Variants in EEF1E1 observed in about 807,000 individuals in gnomAD.
EEF1E1 encodes eukaryotic translation elongation factor 1 epsilon 1, also known as eukaryotic translation elongation factor 1 epsilon-1.
EEF1E1 carries 19 observed loss-of-function variants against 19.9 expected under a neutral mutation model. The ratio of observed to expected loss-of-function variants is 0.95; its 90% CI spans 0.66 to 1.40. The LOEUF (loss-of-function observed/expected upper bound fraction) is 1.40. Ranked by LOEUF, EEF1E1 falls within the 40% of genes most tolerant of loss-of-function variation. The pLI is 0.00. For synonymous variants in EEF1E1, 81 were observed against 80.0 expected (o/e 1.01, Z -0.07); for missense variants, 198 against 202.2 (o/e 0.98, Z 0.13).
intron 3 of EEF1E1, chr6:8,073,634 T>C: frequency 7.5e-7 from 1 of 1,327,388 alleles, no homozygotes. Flanking sequence ...ACAGATATTT[T>C]AAAAAGTATT....
chr6:8,092,593 G>A (rs56163720), intron 2 of EEF1E1, among the ~76,000 whole-genome samples: 17,168 of 152,090 alleles, frequency 0.11, 1,178 homozygotes, highest in South Asian at 0.2. Flanking sequence ...AATAAAATTT[G>A]GCTGGAAAGG....
At chr6:8,074,294 T>C (rs1388687188) in intron 3 of EEF1E1, among the ~76,000 whole-genome samples, 2 of 152,178 alleles carry the variant, frequency 1.3e-5, no homozygotes, top group East Asian at 1.9e-4. Flanking sequence ...TTCTGCAATA[T>C]ACAGCTGTAC....
chr6:8,081,179 T>C (rs1374583014), intron 3 of EEF1E1, among the ~76,000 whole-genome samples: 1 of 152,256 alleles, frequency 6.6e-6, no homozygotes, highest in Admixed American at 6.5e-5. Context: ...TCTTCACTGC[T>C]TCTGTTTCAG....
chr6:8,099,441 T>C (rs1279827157), intron 1 of EEF1E1, among the ~76,000 whole-genome samples: 1 of 152,134 alleles, frequency 6.6e-6, no homozygotes, highest in East Asian at 1.9e-4. Flanking sequence ...TAGGATAAAC[T>C]ATCTAGGTTT....
At chr6:8,083,532 A>G (rs1757772135) in intron 3 of EEF1E1, among the ~76,000 whole-genome samples, 1 of 150,058 alleles carries the variant, frequency 6.7e-6, no homozygotes, top group Admixed American at 6.7e-5. Flanking sequence ...CTGGTGTTAT[A>G]ATAAACAGCC....
At chr6:8,073,946 C>T (rs984150171) in intron 3 of EEF1E1, among the ~76,000 whole-genome samples, 2 of 152,152 alleles carry the variant, frequency 1.3e-5, no homozygotes, top group Non-Finnish European at 2.9e-5. Context: ...TGGGTGCCCT[C>T]CGACTACACA....
chr6:8,089,048 G>A (rs533483587), intron 3 of EEF1E1, among the ~76,000 whole-genome samples: 236 of 152,286 alleles, frequency 1.5e-3, no homozygotes, highest in Non-Finnish European at 2.8e-3. Flanking sequence ...CTCCAGTAGA[G>A]CTCAGCTTGG....
chr6:8,085,276 T>C (rs1334918450), intron 3 of EEF1E1, among the ~76,000 whole-genome samples: 2 of 151,738 alleles, frequency 1.3e-5, no homozygotes, highest in East Asian at 3.9e-4. Context: ...TTCCCCCAAG[T>C]AGCTGGGACT....
chr6:8,085,149 CTTTTA>C lies in EEF1E1; in HGVS notation c.384+5032_384+5036del, dbSNP rs368388034. On this transcript the variant is annotated intron_variant, in intron 3 of 3. Coordinates refer to ENST00000379715, the MANE Select transcript of EEF1E1 (RefSeq NM_004280.5). ...AATAGGTACCAGTTGTTAAATATTG[CTTTTA>C]TTTATTTTTTTAAGACAGGTCTCAC... Among the ~76,000 whole-genome samples the C allele has an allele frequency of 7.6e-4, 115 of 151,908 alleles. 3 individuals are homozygous for C. In the South Asian group the frequency reaches 0.014, roughly 18 times the overall value.
chr6:8,084,759 T>C (rs748499929), intron 3 of EEF1E1, among the ~76,000 whole-genome samples: 8 of 152,232 alleles, frequency 5.3e-5, no homozygotes, highest in Non-Finnish European at 1.0e-4. Flanking sequence ...GGTTTTCAGA[T>C]AGAAATTGTT....
At chr6:8,094,686 TA>T (rs1340135522) in intron 2 of EEF1E1, among the ~76,000 whole-genome samples, 2 of 152,146 alleles carry the variant, frequency 1.3e-5, no homozygotes, top group African/African-American at 4.8e-5. Flanking sequence ...AATTACAGCT[TA>T]AACCTTGAAC....
intron 1 of EEF1E1, chr6:8,102,231 G>T: frequency 1.8e-6 from 1 of 558,490 alleles, no homozygotes; most frequent in Non-Finnish European, 2.3e-6. Context: ...CCCAACCTGA[G>T]CTGGTTAACC....
intron 3 of EEF1E1, chr6:8,089,881 T>A (rs2113652074): frequency 3.1e-6 from 1 of 324,952 alleles, no homozygotes; most frequent in East Asian, 4.6e-5. Context: ...AGGAAAAAAA[T>A]CAAGGTCAAG....
intron 3 of EEF1E1, among the ~76,000 whole-genome samples, chr6:8,086,373 T>C (rs1757854292): frequency 6.6e-6 from 1 of 152,192 alleles, no homozygotes; most frequent in African/African-American, 2.4e-5. Flanking sequence ...GGCCTCAATC[T>C]GTGCCCTCTT....
chr6:8,088,406 A>G (rs2113649622), intron 3 of EEF1E1, among the ~76,000 whole-genome samples: 1 of 152,268 alleles, frequency 6.6e-6, no homozygotes, highest in South Asian at 2.1e-4. Flanking sequence ...CACAATTCCC[A>G]CATGTCACAG....
chr6:8,086,439 G>A (rs1757856373), intron 3 of EEF1E1, among the ~76,000 whole-genome samples: 1 of 151,398 alleles, frequency 6.6e-6, no homozygotes, highest in Non-Finnish European at 1.5e-5. Flanking sequence ...AGGAGAAAAC[G>A]ACTTTGTTTT....
chr6:8,075,105 G>T (rs114332661), downstream of EEF1E1, among the ~76,000 whole-genome samples: 2 of 152,124 alleles, frequency 1.3e-5, no homozygotes, highest in Admixed American at 6.5e-5. Context: ...CAGAAGTGTT[G>T]GGGCTAGGTG....
At chr6:8,092,441 G>A (rs1016722285) in intron 2 of EEF1E1, among the ~76,000 whole-genome samples, 1 of 152,152 alleles carries the variant, frequency 6.6e-6, no homozygotes, top group African/African-American at 2.4e-5. Context: ...TTAATAAAGA[G>A]TAAACACATT....
exon 4 of EEF1E1, chr6:8,073,390 GTAGAGTAGTT>G (rs149923687): frequency 0.098 from 149,409 of 1,529,732 alleles, 8,308 homozygotes; most frequent in Admixed American, 0.21. Context: ...GGCACTCCAT[GTAGAGTAGTT>G]TACAGGTAAG....
Sources: gnomAD v4.1 joint callset for allele counts (sites outside exome capture counted in the v4.1 genomes callset) on GRCh38, gnomAD v4.1.1 for gene constraint, MANE v1.5 for transcripts, NCBI Gene and HGNC (gene_info 2026-07-23, HGNC 2026-07-21) for gene names.